KCNMA1: variants seen among roughly 807,000 people sequenced by gnomAD.
The protein encoded by KCNMA1 is Calcium-activated potassium channel subunit alpha-1.
KCNMA1 carries 29 observed loss-of-function variants against 140.0 expected under a neutral mutation model. The observed-to-expected ratio is 0.21, with a 90% CI of 0.15 to 0.28. KCNMA1 has a LOEUF of 0.28. Ranked by LOEUF, KCNMA1 falls within the 10% of genes least tolerant of loss-of-function variation. The probability of loss-of-function intolerance (pLI) is 1.00; values close to 1 mark genes in which losing one functional copy is unlikely to be tolerated. For missense variants in KCNMA1, 880 were observed against 1,602.2 expected (o/e 0.55, Z 7.70); for synonymous variants, 612 against 611.9 (o/e 1.00, Z 0.00).
chr10:76,999,151 T>G (rs3781160), intron 19 of KCNMA1, among the ~76,000 whole-genome samples: 24,095 of 152,278 alleles, frequency 0.16, 1,888 homozygotes, highest in South Asian at 0.21. Context: ...CCCAAGGTTT[T>G]CTTCTCCCTG....
intron 5 of KCNMA1, among the ~76,000 whole-genome samples, chr10:77,149,668 C>T (rs937757042): frequency 9.2e-5 from 14 of 152,140 alleles, no homozygotes; most frequent in African/African-American, 1.9e-4. Context: ...TGAAATAATC[C>T]GTCTCCAATC....
chr10:77,524,710 G>C (rs976635619), intron 1 of KCNMA1, among the ~76,000 whole-genome samples: 1 of 152,098 alleles, frequency 6.6e-6, no homozygotes, highest in Non-Finnish European at 1.5e-5. Flanking sequence ...GTGGCAGCTC[G>C]GGACTGAGGG....
At chr10:77,100,800 G>A (rs1170160720) in intron 9 of KCNMA1, among the ~76,000 whole-genome samples, 1 of 152,140 alleles carries the variant, frequency 6.6e-6, no homozygotes, top group Non-Finnish European at 1.5e-5. Context: ...CCAATCAAAG[G>A]AGCCATTGAT....
intron 1 of KCNMA1, among the ~76,000 whole-genome samples, chr10:77,472,161 A>G (rs1417897740): frequency 6.7e-6 from 1 of 149,776 alleles, no homozygotes; most frequent in African/African-American, 2.5e-5. Context: ...CACATATATT[A>G]TATATTCACT....
intron 3 of KCNMA1, among the ~76,000 whole-genome samples, chr10:77,235,810 G>C (rs550791410): frequency 1.3e-5 from 2 of 152,140 alleles, no homozygotes; most frequent in Admixed American, 1.3e-4. Context: ...AGCCAACAAA[G>C]TCCCTTCACT....
chr10:77,168,316 C>T (rs2098665919), intron 5 of KCNMA1, among the ~76,000 whole-genome samples: 1 of 152,070 alleles, frequency 6.6e-6, no homozygotes, highest in Non-Finnish European at 1.5e-5. Context: ...GAGCTTTGTC[C>T]AATACCTGCC....
intron 10 of KCNMA1, 33 bp downstream of exon 10, chr10:77,090,367 G>T: frequency 7.2e-7 from 1 of 1,382,288 alleles, no homozygotes; most frequent in Non-Finnish European, 1.0e-6. Context: ...GTGTGGTTGG[G>T]CAGAGGGTCT....
rs61419200 is a variant in KCNMA1, at chr10:76,892,282, G to C, written c.3148-563C>G. Reference sequence around the variant, plus strand: ...ATGCCGGATAAATTTATGAAAAGGTGAATGTCCTGGTAAGTGTACTTTGGC... The same window carrying C: ...ATGCCGGATAAATTTATGAAAAGGTCAATGTCCTGGTAAGTGTACTTTGGC... On this transcript the variant is annotated intron_variant, in intron 25 of 27. Coordinates refer to ENST00000286628, the MANE Select transcript of KCNMA1 (RefSeq NM_001161352.2). 6.2e-3 allele frequency among the ~76,000 whole-genome samples: 949 copies of C among 152,320 alleles called. 10 individuals are homozygous for C. Among genetic ancestry groups the C allele is most frequent in the African/African-American group, 0.022 (898 of 41,568 alleles).
chr10:77,486,560 T>C (rs1439013658), intron 1 of KCNMA1, among the ~76,000 whole-genome samples: 1 of 152,224 alleles, frequency 6.6e-6, no homozygotes, highest in African/African-American at 2.4e-5. Flanking sequence ...CCCTTTTCAA[T>C]CTGTTCGTGA....
At chr10:77,580,554 A>C (rs1040342358) in intron 1 of KCNMA1, among the ~76,000 whole-genome samples, 6 of 152,228 alleles carry the variant, frequency 3.9e-5, no homozygotes, top group African/African-American at 1.2e-4. Context: ...ATGACTTGGG[A>C]AATGCAGGGC....
chr10:77,258,540 C>T (rs1263513342), intron 2 of KCNMA1, among the ~76,000 whole-genome samples: 1 of 152,154 alleles, frequency 6.6e-6, no homozygotes, highest in East Asian at 1.9e-4. Context: ...AGGCTTTAGC[C>T]TTCCAGAAGC....
At chr10:76,988,553 A>T (rs980544422) in intron 19 of KCNMA1, among the ~76,000 whole-genome samples, 8 of 152,174 alleles carry the variant, frequency 5.3e-5, no homozygotes, top group African/African-American at 1.7e-4. Context: ...CAACAGAAAA[A>T]GATGAGTTGA....
At chr10:77,307,220 C>A (rs190602562) in intron 2 of KCNMA1, among the ~76,000 whole-genome samples, 3 of 152,290 alleles carry the variant, frequency 2.0e-5, no homozygotes, top group Admixed American at 6.5e-5. Context: ...CATCCAAAGC[C>A]AGTCTCTTCT....
chr10:76,928,289 GCACA>G (rs763783104), intron 23 of KCNMA1, among the ~76,000 whole-genome samples: 8 of 73,378 alleles, frequency 1.1e-4, no homozygotes, highest in Non-Finnish European at 2.2e-4. Context: ...ACACGCGCGC[GCACA>G]CACACACACA....
chr10:76,886,751 ACAAT>A lies in KCNMA1; in HGVS notation c.*511_*514del. On this transcript the variant is annotated 3_prime_UTR_variant, in exon 28 of 28. Transcript: ENST00000286628. ...CAATACTTCGGCCCAGAGACTGGAA[ACAAT>A]CAATATGTTTTCATTGCTGTTTGGT... 9.9e-7 allele frequency: 1 copy of A among 1,014,550 alleles called. No homozygotes were observed. Among genetic ancestry groups the A allele is most frequent in the Non-Finnish European group, 1.2e-6 (1 of 846,838 alleles). 62.8% of individuals were successfully genotyped at this position (1,014,550 alleles called of 1,614,324 possible). A position where few individuals can be genotyped will look rare whatever the true frequency, so the allele number is the denominator to read the frequency against.
chr10:77,290,879 A>G (rs963613887), intron 2 of KCNMA1, among the ~76,000 whole-genome samples: 4 of 152,180 alleles, frequency 2.6e-5, no homozygotes. Context: ...ACTGTTTTGA[A>G]AGCTGTGGCA....
intron 2 of KCNMA1, among the ~76,000 whole-genome samples, chr10:77,390,643 C>T (rs1566513590): frequency 6.6e-6 from 1 of 152,214 alleles, no homozygotes; most frequent in Non-Finnish European, 1.5e-5. Flanking sequence ...ATATAATTAG[C>T]TCTGGACAGA....
intron 2 of KCNMA1, among the ~76,000 whole-genome samples, chr10:77,290,484 G>A (rs903130467): frequency 5.9e-5 from 9 of 152,156 alleles, no homozygotes; most frequent in Admixed American, 5.2e-4. Flanking sequence ...AGTGCCCTTC[G>A]TACTCCACTT....
chr10:77,338,780 A>T (rs1566077214), intron 2 of KCNMA1, among the ~76,000 whole-genome samples: 2 of 152,208 alleles, frequency 1.3e-5, no homozygotes, highest in East Asian at 3.8e-4. Flanking sequence ...CCCTGCTCTG[A>T]CCACTCAGAA....
Sources: allele counts gnomAD v4.1 joint callset (sites outside exome capture counted in the v4.1 genomes callset), GRCh38; gene constraint gnomAD v4.1.1; transcripts MANE v1.5; gene names NCBI Gene and HGNC (gene_info 2026-07-23, HGNC 2026-07-21).